Variants in ASPH observed in about 807,000 individuals in gnomAD.
ASPH encodes the protein aspartyl/asparaginyl beta-hydroxylase.
In ASPH, 100 loss-of-function variants were observed where a neutral mutation model predicts 118.4. The observed-to-expected ratio is 0.84, with a 90% CI of 0.72 to 1.00. The LOEUF (loss-of-function observed/expected upper bound fraction) is 1.00. Ranked by LOEUF, ASPH falls within the 50% of genes least tolerant of loss-of-function variation. The pLI is 0.00. For synonymous variants in ASPH, 315 were observed against 325.6 expected, an observed-to-expected ratio of 0.97 and a Z score of 0.35; for missense variants, 920 against 919.5, an observed-to-expected ratio of 1.00 and a Z score of -0.01.
intron 21 of ASPH, 36 bp downstream of exon 21, chr8:61,548,035 A>G: frequency 6.5e-7 from 1 of 1,543,874 alleles, no homozygotes; most frequent in Non-Finnish European, 8.8e-7. Flanking sequence ...GAAATAGACA[A>G]AGATCTGGTG....
chr8:61,513,673 T>G (rs1809735948), intron 24 of ASPH, among the ~76,000 whole-genome samples: 3 of 152,168 alleles, frequency 2.0e-5, no homozygotes, highest in Non-Finnish European at 4.4e-5. Flanking sequence ...AAATACATCG[T>G]CTGCAAATTA....
intron 1 of ASPH, among the ~76,000 whole-genome samples, chr8:61,700,685 A>G (rs1446637720): frequency 1.3e-5 from 2 of 152,226 alleles, no homozygotes; most frequent in South Asian, 2.1e-4. Flanking sequence ...AATTTCCCCA[A>G]TGTTTTACTA....
Position 61,638,443 on chromosome 8 carries a change from A to C in ASPH, c.791-80T>G, listed in dbSNP as rs1858899377. On this transcript the variant is annotated intron_variant, in intron 10 of 24. Transcript: ENST00000379454. ...CTGACAACATGCTTTAAGGGCAGAG[A>C]CAATGCCTTATGCATCTTTGAACCT... The C allele has an allele frequency of 3.3e-6, 4 of 1,222,284 alleles. No homozygotes were observed. In the Admixed American group the frequency reaches 6.2e-5, roughly 19 times the overall value. 75.7% of individuals were successfully genotyped at this position (1,222,284 alleles called of 1,614,324 possible).
At chr8:61,580,157 T>A (rs527535065) in intron 15 of ASPH, among the ~76,000 whole-genome samples, 1 of 152,226 alleles carries the variant, frequency 6.6e-6, no homozygotes, top group East Asian at 1.9e-4. Context: ...GGGCTGGTCT[T>A]AGGTATCTGC....
chr8:61,690,568 A>G (rs1832332776), intron 1 of ASPH, among the ~76,000 whole-genome samples: 1 of 152,136 alleles, frequency 6.6e-6, no homozygotes, highest in South Asian at 2.1e-4. Flanking sequence ...AAAATCAGCC[A>G]TTTATTCACT....
intron 15 of ASPH, among the ~76,000 whole-genome samples, chr8:61,582,095 A>G (rs1266493831): frequency 1.3e-5 from 2 of 152,174 alleles, no homozygotes; most frequent in African/African-American, 4.8e-5. Context: ...ACAACCCTAA[A>G]AGACTGAATT....
intron 13 of ASPH, among the ~76,000 whole-genome samples, chr8:61,629,551 A>G (rs975906548): frequency 2.6e-5 from 4 of 152,236 alleles, no homozygotes; most frequent in African/African-American, 7.2e-5. Context: ...GAAAAATCAA[A>G]TCTTAAGCTT....
rs1441219390 is a variant in ASPH at position 61,502,984 on chromosome 8, TA to T, written c.*374del. 6.3e-6 allele frequency: 1 copy of T among 159,774 alleles called. No homozygotes were observed. The highest frequency in any genetic ancestry group is 2.4e-5 in the African/African-American group (1 of 41,800). 9.9% of individuals were successfully genotyped at this position (159,774 alleles called of 1,614,324 possible). ...GCTACACTAGAAAAATATAACTGCA[TA>T]GAAAAATTACAAACTAAAGCAATCC... On this transcript the variant is annotated 3_prime_UTR_variant, in exon 25 of 25. Transcript: ENST00000379454.
Position 61,578,600 on chromosome 8 carries a change from G to T in ASPH, c.1063-1742C>A, listed in dbSNP as rs1302108026. On this transcript the variant is annotated intron_variant, in intron 15 of 24. Transcript: ENST00000379454. ...TGGAGACCAAGTGGAGCCTCCTGCAGCAGCAGAAGATGGCTCGGAGCAACA... is the reference window on the plus strand; with the variant it reads ...TGGAGACCAAGTGGAGCCTCCTGCATCAGCAGAAGATGGCTCGGAGCAACA... The T allele has an allele frequency of 2.0e-6, 3 of 1,524,732 alleles. No homozygotes were observed. The African/African-American group carries it at 4.1e-5, about 21-fold the overall frequency. 94.5% of individuals were successfully genotyped at this position (1,524,732 alleles called of 1,614,324 possible).
rs763306171 is a variant in ASPH at position 61,539,698 on chromosome 8, G to GT, written c.1764+8372_1764+8373insA. Reference sequence around the variant, plus strand: ...ATGTGATGGTCACCTAACACTTCTGGGGTGTGTGTGTGTGTGTGTGTGTGT... The same window carrying GT: ...ATGTGATGGTCACCTAACACTTCTGGTGGTGTGTGTGTGTGTGTGTGTGTGT... On this transcript the variant is annotated intron_variant, in intron 21 of 24. Transcript: ENST00000379454. Among the ~76,000 whole-genome samples the GT allele has an allele frequency of 6.2e-3, 655 of 106,188 alleles. 9 individuals carry two copies. Among genetic ancestry groups the GT allele is most frequent in the Admixed American group, 0.024 (253 of 10,418 alleles). The allele number at this position is 106,188 out of a possible 152,430, so 69.7% of individuals were successfully genotyped here.
chr8:61,612,393 A>G (rs1291739575), intron 14 of ASPH, among the ~76,000 whole-genome samples: 1 of 127,614 alleles, frequency 7.8e-6, no homozygotes, highest in Non-Finnish European at 1.7e-5. Context: ...TTTTTTTTTG[A>G]GCCAAAGTCT....
chr8:61,582,574 G>C (rs1837911670), intron 15 of ASPH, among the ~76,000 whole-genome samples: 1 of 152,230 alleles, frequency 6.6e-6, no homozygotes, highest in Non-Finnish European at 1.5e-5. Flanking sequence ...TTTAAGGGAA[G>C]TGAACAATGA....
chr8:61,656,577 T>G (rs1385019299), intron 3 of ASPH: 1 of 152,202 alleles, frequency 6.6e-6, no homozygotes, highest in East Asian at 1.9e-4. Flanking sequence ...CGCCTTCCAG[T>G]CATTATGTAT....
At chr8:61,609,810 T>C (rs1846751073) in intron 14 of ASPH, among the ~76,000 whole-genome samples, 1 of 152,336 alleles carries the variant, frequency 6.6e-6, no homozygotes, top group Non-Finnish European at 1.5e-5. Flanking sequence ...TAAAGCATTT[T>C]TCAAACTAAT....
chr8:61,607,309 C>T lies in ASPH; in HGVS notation c.976+11669G>A, dbSNP rs765094677. 107 of 701,924 alleles carry T rather than the reference C, an allele frequency of 1.5e-4. No homozygotes were observed. Among genetic ancestry groups the T allele is most frequent in the African/African-American group, 2.4e-4 (14 of 57,202 alleles). The allele number at this position is 701,924 out of a possible 1,614,324, so 43.5% of individuals were successfully genotyped here. ...TGCAAGCCGCCTGGCTTTCACCAGACGCAAATGAGTCCTCTGTAAATGAAA... is the reference window on the plus strand; with the variant it reads ...TGCAAGCCGCCTGGCTTTCACCAGATGCAAATGAGTCCTCTGTAAATGAAA... On this transcript the variant is annotated intron_variant, in intron 14 of 24. Transcript: ENST00000379454.
chr8:61,592,208 T>C (rs550257739), intron 14 of ASPH, among the ~76,000 whole-genome samples: 2 of 152,344 alleles, frequency 1.3e-5, no homozygotes, highest in South Asian at 4.1e-4. Flanking sequence ...TCATGGAGCA[T>C]AAAACCTCAT....
intron 15 of ASPH, 104 bp downstream of exon 15, chr8:61,583,840 T>C (rs1451680043): frequency 5.0e-6 from 4 of 799,532 alleles, no homozygotes; most frequent in Non-Finnish European, 7.9e-6. Flanking sequence ...TCTATTCAAC[T>C]GTTGTTTCTT....
rs1428463680 is a variant in ASPH, at chr8:61,579,278, G to C, written c.1063-2420C>G. ...CCATTAAGGATGCCAACGCCAAGTT[G>C]TCCGAGCTGGAGGCTGCCCTGCAGC... On this transcript the variant is annotated intron_variant, in intron 15 of 24. Coordinates refer to ENST00000379454, the MANE Select transcript of ASPH (RefSeq NM_004318.4). 1.9e-6 allele frequency: 3 copies of C among 1,614,048 alleles called. No homozygotes were observed. The African/African-American group carries it at 4.0e-5, about 22-fold the overall frequency.
chr8:61,646,863 A>G lies in ASPH; in HGVS notation c.506T>C (p.Leu169Ser). The change falls in exon 6 of 25, where the codon TTG becomes TCG. Residue 169 changes from leucine to serine, a missense_variant. Transcript: ENST00000379454. ...VHAEHVEGEDLQQEDGPTGEP... is the reference protein window; with the variant it reads ...VHAEHVEGEDSQQEDGPTGEP... ...TCCTGTGGGTCCATCTTCTTGTTGC[A>G]AGTCTTCTCCCTCAACTATGACAAT... 1 of 1,613,848 alleles carries G rather than the reference A, an allele frequency of 6.2e-7. No homozygotes were observed. The highest frequency in any genetic ancestry group is 8.5e-7 in the Non-Finnish European group (1 of 1,179,838).
Sources: gnomAD v4.1 joint callset for allele counts (sites outside exome capture counted in the v4.1 genomes callset) on GRCh38, gnomAD v4.1.1 for gene constraint, MANE v1.5 for transcripts, NCBI Gene and HGNC (gene_info 2026-07-23, HGNC 2026-07-21) for gene names.